Variants in NCK1 observed in about 807,000 individuals in gnomAD.
NCK1 encodes SH2/SH3 adapter protein NCK1.
Under a neutral mutation model 36.6 loss-of-function variants are expected in NCK1, and 19 were observed. The observed-to-expected ratio is 0.52, with a 90% CI of 0.36 to 0.76. NCK1 has a LOEUF of 0.76. Among genes scored for constraint, NCK1 ranks in the 30% least tolerant of loss-of-function variants. The probability of loss-of-function intolerance (pLI) is 0.00; values close to 1 mark genes in which losing one functional copy is unlikely to be tolerated. For synonymous variants in NCK1, 165 were observed against 156.0 expected (o/e 1.06, Z -0.43); for missense variants, 358 against 445.6 (o/e 0.80, Z 1.77).
chr3:136,894,358 A>C (rs1031366943), intron 1 of NCK1, among the ~76,000 whole-genome samples: 2 of 152,224 alleles, frequency 1.3e-5, no homozygotes, highest in Non-Finnish European at 2.9e-5. Context: ...CATCTCAGGT[A>C]GTAGGGATAT....
intron 3 of NCK1, chr3:136,947,092 A>G (rs1940849722): frequency 6.6e-6 from 1 of 152,194 alleles, no homozygotes; most frequent in African/African-American, 2.4e-5. Context: ...ATTGCACAAA[A>G]TTTTGAAAGA....
At chr3:136,862,393 C>A (rs563634535) in intron 1 of NCK1, 40 bp downstream of exon 1, 2 of 152,570 alleles carry the variant, frequency 1.3e-5, no homozygotes, top group Non-Finnish European at 2.9e-5. Context: ...ACACACACCC[C>A]CCTTCAGTCC....
At chr3:136,945,446 A>G (rs1940785946) in intron 2 of NCK1, 137 bp from the exon 3 acceptor site, 5 of 573,076 alleles carry the variant, frequency 8.7e-6, no homozygotes, top group South Asian at 4.8e-5. Flanking sequence ...ATTTTTAACT[A>G]CATAGAAATT....
At chr3:136,921,866 C>T (rs1940118975) in intron 1 of NCK1, among the ~76,000 whole-genome samples, 3 of 152,340 alleles carry the variant, frequency 2.0e-5, no homozygotes. Context: ...TCACTGCAGT[C>T]TCCGCCTCCC....
At chr3:136,874,471 C>T (rs1330788809) in intron 1 of NCK1, among the ~76,000 whole-genome samples, 13 of 152,230 alleles carry the variant, frequency 8.5e-5, no homozygotes, top group African/African-American at 1.4e-4. Flanking sequence ...TGAGCCACCA[C>T]GCCCGGCCCG....
At chr3:136,907,068 G>T (rs888138374) in intron 1 of NCK1, among the ~76,000 whole-genome samples, 8 of 152,160 alleles carry the variant, frequency 5.3e-5, no homozygotes, top group African/African-American at 1.9e-4. Flanking sequence ...ACCGGGAAGG[G>T]TGGGGTTGCT....
In NCK1 at chr3:136,946,187, T is replaced by G. The variant is rs1478153718; in HGVS notation, c.831T>G (p.Phe277Leu). 1.2e-6 allele frequency: 2 copies of G among 1,613,656 alleles called. No individual in the cohort carries two copies. The highest frequency in any genetic ancestry group is 8.5e-7 in the Non-Finnish European group (1 of 1,179,930). Residue 277 changes from phenylalanine (F) to leucine (L), a missense_variant, in exon 3 of 4, where the codon TTT becomes TTG. By Grantham distance (22) the Phe-to-Leu change is conservative (BLOSUM62 0). This residue lies in a region of NCK1 where 207 missense variants were observed against 253.4 expected (regional missense o/e 0.82). Transcript: ENST00000481752. ...TTAGGCCTTCACTCACTGGAAAGTT[T>G]GCTGGCAATCCTTGGTATTATGGCA... ...DYIRPSLTGKFAGNPWYYGKV... is the reference protein window; with the variant it reads ...DYIRPSLTGKLAGNPWYYGKV...
intron 1 of NCK1, among the ~76,000 whole-genome samples, chr3:136,865,234 G>C (rs989234347): frequency 7.9e-5 from 12 of 152,118 alleles, no homozygotes; most frequent in Non-Finnish European, 1.5e-4. Flanking sequence ...GGGATTACAG[G>C]CATGAGCCAC....
intron 1 of NCK1, among the ~76,000 whole-genome samples, chr3:136,927,232 G>A (rs1039355603): frequency 5.3e-5 from 8 of 152,192 alleles, no homozygotes; most frequent in Admixed American, 1.3e-4. Context: ...TCGGCCTCCC[G>A]AAGTGCTGGG....
At chr3:136,906,053 C>T (rs1325158671) in intron 1 of NCK1, among the ~76,000 whole-genome samples, 2 of 152,076 alleles carry the variant, frequency 1.3e-5, no homozygotes, top group African/African-American at 4.8e-5. Context: ...ACAGTTGCTC[C>T]TTCTAATTTT....
intron 1 of NCK1, among the ~76,000 whole-genome samples, chr3:136,913,951 C>T (rs1203810473): frequency 3.3e-5 from 5 of 152,230 alleles, no homozygotes; most frequent in African/African-American, 7.2e-5. Context: ...TGAGCCACCA[C>T]GCCCAGCCGC....
intron 1 of NCK1, among the ~76,000 whole-genome samples, chr3:136,888,832 G>A (rs905481105): frequency 4.6e-5 from 7 of 151,732 alleles, no homozygotes; most frequent in African/African-American, 7.3e-5. Context: ...CTTTGTAACC[G>A]CTTTCTTTCA....
chr3:136,882,941 G>A (rs1251239940), intron 1 of NCK1, among the ~76,000 whole-genome samples: 2 of 152,128 alleles, frequency 1.3e-5, no homozygotes, highest in Admixed American at 6.6e-5. Context: ...CTTTTTTAAA[G>A]ACAGTCTCAT....
intron 1 of NCK1, among the ~76,000 whole-genome samples, chr3:136,926,198 A>G (rs141320863): frequency 3.3e-4 from 49 of 149,542 alleles, no homozygotes; most frequent in African/African-American, 1.1e-3. Flanking sequence ...TAACTTTTCT[A>G]ACTGCTTAAG....
intron 1 of NCK1, among the ~76,000 whole-genome samples, chr3:136,912,364 C>T (rs186609392): frequency 2.3e-4 from 35 of 151,782 alleles, no homozygotes; most frequent in Non-Finnish European, 4.0e-4. Context: ...GGTTTCGCCA[C>T]GTTTGGCCAG....
intron 1 of NCK1, among the ~76,000 whole-genome samples, chr3:136,873,680 G>T (rs1402894251): frequency 6.6e-6 from 1 of 152,152 alleles, no homozygotes; most frequent in Non-Finnish European, 1.5e-5. Context: ...TGTGTGTGGT[G>T]GGAGGAACCT....
chr3:136,864,141 A>G (rs1346015134), intron 1 of NCK1, among the ~76,000 whole-genome samples: 1 of 151,974 alleles, frequency 6.6e-6, no homozygotes, highest in African/African-American at 2.4e-5. Context: ...TCTAGGCATT[A>G]TCCTTTGTCC....
chr3:136,927,933 G>A, intron 1 of NCK1, 51 bp from the exon 2 acceptor site: 1 of 1,287,758 alleles, frequency 7.8e-7, no homozygotes, highest in South Asian at 1.3e-5. Context: ...AAAAGCATGT[G>A]AACTAATACT....
rs1940799869 is a variant in NCK1, at chr3:136,945,780, G to A, written c.424G>A (p.Gly142Arg). The change falls in exon 3 of 4, where the codon GGG becomes AGG. Residue 142 changes from glycine to arginine, a missense_variant. This residue lies in a region of NCK1 where 8 missense variants were observed against 29.8 expected (regional missense o/e 0.27). Coordinates refer to ENST00000481752, the MANE Select transcript of NCK1 (RefSeq NM_001291999.2). ...KVIVMEKCSDGWWRGSYNGQV... is the reference protein window; with the variant it reads ...KVIVMEKCSDRWWRGSYNGQV... ...GATCGTCATGGAGAAATGCAGTGAT[G>A]GGTGGTGGCGTGGTAGCTACAATGG... The A allele has an allele frequency of 1.2e-6, 2 of 1,614,138 alleles. No homozygotes were observed. The highest frequency in any genetic ancestry group is 1.7e-6 in the Non-Finnish European group (2 of 1,180,018).
Sources: allele counts gnomAD v4.1 joint callset (sites outside exome capture counted in the v4.1 genomes callset), GRCh38; gene constraint gnomAD v4.1.1; regional missense constraint gnomAD v4.1.1; transcripts MANE v1.5; gene names NCBI Gene and HGNC (gene_info 2026-07-23, HGNC 2026-07-21).